ST8SIA6: variants seen among roughly 807,000 people sequenced by gnomAD.
The protein encoded by ST8SIA6 is alpha-2,8-sialyltransferase 8F.
A neutral mutation model predicts 33.6 loss-of-function variants in ST8SIA6; 39 were observed. The observed-to-expected ratio is 1.16, with a 90% CI of 0.90 to 1.52. ST8SIA6 has a LOEUF of 1.52. ST8SIA6 is among the 40% of genes most tolerant of loss of function. The pLI is 0.00. For synonymous variants in ST8SIA6, 172 were observed against 167.2 expected (o/e 1.03, Z -0.22); for missense variants, 441 against 443.8 (o/e 0.99, Z 0.06).
chr10:17,369,242 C>A (rs1033104612), intron 3 of ST8SIA6, among the ~76,000 whole-genome samples: 2 of 152,152 alleles, frequency 1.3e-5, no homozygotes, highest in African/African-American at 4.8e-5. Context: ...TTACCCCCTG[C>A]ATCCCATAAG....
At chr10:17,422,518 T>C (rs1851809929) in intron 2 of ST8SIA6, among the ~76,000 whole-genome samples, 1 of 152,248 alleles carries the variant, frequency 6.6e-6, no homozygotes, top group African/African-American at 2.4e-5. Flanking sequence ...AATGTACTAC[T>C]TCATGGCAAA....
intron 2 of ST8SIA6, chr10:17,408,230 A>T (rs886922932): frequency 6.6e-6 from 1 of 152,668 alleles, no homozygotes; most frequent in South Asian, 2.1e-4. Context: ...CTGAGAAGAC[A>T]CCCAATCCAA....
At chr10:17,376,713 G>A (rs1370588559) in intron 3 of ST8SIA6, among the ~76,000 whole-genome samples, 1 of 152,082 alleles carries the variant, frequency 6.6e-6, no homozygotes, top group East Asian at 1.9e-4. Flanking sequence ...AAAAATGAGC[G>A]AACTAGCAGT....
At chr10:17,337,388 T>G (rs1848539647) in intron 4 of ST8SIA6, among the ~76,000 whole-genome samples, 2 of 152,220 alleles carry the variant, frequency 1.3e-5, no homozygotes, top group Non-Finnish European at 2.9e-5. Context: ...TAGTAGTCCA[T>G]GGTATGGATG....
intron 3 of ST8SIA6, among the ~76,000 whole-genome samples, chr10:17,362,590 T>C (rs1454203748): frequency 6.6e-5 from 10 of 152,212 alleles, no homozygotes; most frequent in Admixed American, 6.5e-4. Flanking sequence ...TAAATTTAAT[T>C]ATGACTTTAC....
chr10:17,403,012 A>G (rs921217773), intron 2 of ST8SIA6, among the ~76,000 whole-genome samples: 2 of 152,194 alleles, frequency 1.3e-5, no homozygotes, highest in East Asian at 1.9e-4. Flanking sequence ...TTTTCCCTAC[A>G]CCATGAACAC....
intron 7 of ST8SIA6, among the ~76,000 whole-genome samples, chr10:17,322,558 T>C (rs1847993987): frequency 6.6e-6 from 1 of 152,288 alleles, no homozygotes; most frequent in East Asian, 1.9e-4. Flanking sequence ...ACGAAAACAA[T>C]GGAGTAAAAA....
intron 2 of ST8SIA6, among the ~76,000 whole-genome samples, chr10:17,421,862 C>T (rs1216264934): frequency 3.9e-5 from 6 of 152,158 alleles, no homozygotes; most frequent in Admixed American, 1.3e-4. Context: ...CCACTGTGCC[C>T]GGCCTTCAAT....
intron 4 of ST8SIA6, among the ~76,000 whole-genome samples, chr10:17,339,832 C>T (rs1168424425): frequency 2.0e-5 from 3 of 152,300 alleles, no homozygotes; most frequent in South Asian, 4.1e-4. Flanking sequence ...AAGAAGGTCA[C>T]ATATGACACG....
chr10:17,406,651 T>A (rs994076892), intron 2 of ST8SIA6, among the ~76,000 whole-genome samples: 2 of 152,194 alleles, frequency 1.3e-5, no homozygotes, highest in African/African-American at 4.8e-5. Flanking sequence ...TGTTACTGTC[T>A]TGGCAGGCCT....
intron 5 of ST8SIA6, 53 bp downstream of exon 5, chr10:17,331,355 G>A: frequency 6.5e-7 from 1 of 1,548,528 alleles, no homozygotes; most frequent in Admixed American, 2.1e-5. Flanking sequence ...TAAAGTAAAA[G>A]AAAATTCACC....
At chr10:17,452,295 GA>G (rs1193644860) in intron 2 of ST8SIA6, among the ~76,000 whole-genome samples, 28 of 152,174 alleles carry the variant, frequency 1.8e-4, no homozygotes, top group Non-Finnish European at 3.8e-4. Flanking sequence ...GCCACTTCCA[GA>G]CCCTTCTTAG....
At chr10:17,426,888 G>A (rs528800042) in intron 2 of ST8SIA6, among the ~76,000 whole-genome samples, 23 of 152,286 alleles carry the variant, frequency 1.5e-4, no homozygotes, top group African/African-American at 5.3e-4. Flanking sequence ...GATCACTTGA[G>A]GCCAGGAGTT....
At chr10:17,347,849 C>T (rs915739280) in intron 4 of ST8SIA6, among the ~76,000 whole-genome samples, 16 of 140,930 alleles carry the variant, frequency 1.1e-4, no homozygotes, top group Admixed American at 2.1e-4. Flanking sequence ...GCAGGAGAAT[C>T]GGAGGCTGAG....
At chr10:17,378,681 G>A (rs1237068693) in intron 3 of ST8SIA6, among the ~76,000 whole-genome samples, 1 of 152,146 alleles carries the variant, frequency 6.6e-6, no homozygotes, top group African/African-American at 2.4e-5. Flanking sequence ...TCTCCAATGC[G>A]TGAACTACTT....
At chr10:17,433,831 T>C (rs905216057) in intron 2 of ST8SIA6, among the ~76,000 whole-genome samples, 4 of 152,284 alleles carry the variant, frequency 2.6e-5, no homozygotes, top group African/African-American at 9.6e-5. Flanking sequence ...GCCCCTTTGT[T>C]TTCTAGCCCC....
chr10:17,417,574 C>G (rs1001523755), intron 2 of ST8SIA6, among the ~76,000 whole-genome samples: 1 of 151,830 alleles, frequency 6.6e-6, no homozygotes, highest in African/African-American at 2.4e-5. Flanking sequence ...TCCAGGAGGG[C>G]AGGCTTTTGT....
At chr10:17,378,832 G>T (rs1850008087) in intron 3 of ST8SIA6, among the ~76,000 whole-genome samples, 1 of 152,084 alleles carries the variant, frequency 6.6e-6, no homozygotes, top group African/African-American at 2.4e-5. Flanking sequence ...AGGGATTAAA[G>T]GAGGGACTTT....
chr10:17,418,682 A>G (rs910883861), intron 2 of ST8SIA6, among the ~76,000 whole-genome samples: 3 of 152,304 alleles, frequency 2.0e-5, no homozygotes, highest in African/African-American at 7.2e-5. Flanking sequence ...TTTTCCTTTC[A>G]AATTGTTTAC....
Sources: allele counts gnomAD v4.1 joint callset (sites outside exome capture counted in the v4.1 genomes callset), GRCh38; gene constraint gnomAD v4.1.1; transcripts MANE v1.5; gene names NCBI Gene and HGNC (gene_info 2026-07-23, HGNC 2026-07-21).